Variants in IKBKG observed in about 807,000 individuals in gnomAD.
IKBKG encodes NF-kappa-B essential modulator.
Under a neutral mutation model 13.7 loss-of-function variants are expected in IKBKG, and 2 were observed. The ratio of observed to expected loss-of-function variants is 0.15; its 90% CI spans 0.06 to 0.46. IKBKG has a LOEUF of 0.46. Ranked by LOEUF, IKBKG falls within the 20% of genes least tolerant of loss-of-function variation. IKBKG has a pLI of 0.98. For missense variants in IKBKG, 53 were observed against 150.3 expected (o/e 0.35, Z 3.39); for synonymous variants, 22 against 64.4 (o/e 0.34, Z 3.15).
intron 1 of IKBKG, among the ~76,000 whole-genome samples, chrX:154,550,288 G>C (rs2070895295): frequency 9.6e-6 from 1 of 104,451 alleles, no homozygotes; most frequent in Admixed American, 1.1e-4. Context: ...GAGAGAGAGA[G>C]AGAGAATCAA....
upstream of IKBKG, among the ~76,000 whole-genome samples, chrX:154,546,576 T>C (rs2070723913): frequency 9.1e-6 from 1 of 110,211 alleles, no homozygotes; most frequent in Admixed American, 9.5e-5. Context: ...GCCCTCCCCT[T>C]GCCAAGCTGG....
chrX:154,542,073 C>A (rs375586532), intron 1 of IKBKG, among the ~76,000 whole-genome samples: 1 of 112,546 alleles, frequency 8.9e-6, no homozygotes, highest in African/African-American at 3.2e-5. Flanking sequence ...GGCCTCCCTG[C>A]TATACCCGGG....
upstream of IKBKG, among the ~76,000 whole-genome samples, chrX:154,545,127 G>A (rs1006395069): frequency 9.0e-6 from 1 of 111,227 alleles, no homozygotes; most frequent in Non-Finnish European, 1.9e-5. Context: ...CTCTAGTCTC[G>A]GGCGATGGCT....
chrX:154,550,345 CAAAG>C (rs1294887355), intron 1 of IKBKG, among the ~76,000 whole-genome samples: 1 of 100,400 alleles, frequency 1.0e-5, no homozygotes, highest in Non-Finnish European at 2.0e-5. Flanking sequence ...CAGCTGATAA[CAAAG>C]AAGGCCTTGG....
At chrX:154,550,849 T>G (rs1188251960) in intron 1 of IKBKG, among the ~76,000 whole-genome samples, 2 of 109,735 alleles carry the variant, frequency 1.8e-5, no homozygotes, top group Non-Finnish European at 3.8e-5. Context: ...CTCGCTCTGT[T>G]GCCCAGGCTG....
chrX:154,554,511 C>T (rs1271904868), intron 2 of IKBKG, among the ~76,000 whole-genome samples: 4 of 112,339 alleles, frequency 3.6e-5, no homozygotes, highest in African/African-American at 1.3e-4. Context: ...GTAATCCGAG[C>T]ACTTTGGGAG....
intron 7 of IKBKG, 56 bp downstream of exon 7, chrX:154,563,009 G>A (rs2071144628): frequency 1.1e-6 from 1 of 895,744 alleles, no homozygotes. Context: ...AGTCTCTTTG[G>A]CGTCTTTTTT....
intron 1 of IKBKG, among the ~76,000 whole-genome samples, chrX:154,551,704 T>C (rs1186145122): frequency 1.8e-5 from 2 of 111,019 alleles, no homozygotes; most frequent in African/African-American, 6.6e-5. Context: ...CATACTGACA[T>C]CTCCCTCCAC....
chrX:154,545,594 G>A (rs781917738), upstream of IKBKG, among the ~76,000 whole-genome samples: 1 of 111,523 alleles, frequency 9.0e-6, no homozygotes, highest in African/African-American at 3.3e-5. Flanking sequence ...CAGCACTTTG[G>A]GAGGCCGAGG....
At chrX:154,551,519 C>G (rs1557235014) in intron 1 of IKBKG, among the ~76,000 whole-genome samples, 1 of 111,684 alleles carries the variant, frequency 9.0e-6, no homozygotes, top group African/African-American at 3.3e-5. Context: ...CCAGAATGAT[C>G]TCATCTTGAG....
At chrX:154,550,024 C>T (rs968922602) in intron 1 of IKBKG, among the ~76,000 whole-genome samples, 5 of 111,514 alleles carry the variant, frequency 4.5e-5, no homozygotes, top group African/African-American at 6.5e-5. Context: ...CATTTCTCTC[C>T]GGTATATACC....
intron 2 of IKBKG, among the ~76,000 whole-genome samples, chrX:154,554,923 G>C (rs1603418262): frequency 9.0e-6 from 1 of 111,099 alleles, no homozygotes; most frequent in East Asian, 2.8e-4. Context: ...AGTTGCTATA[G>C]AGTTGCTAGA....
chrX:154,547,881 C>G, intron 1 of IKBKG, 136 bp downstream of exon 1: 2 of 754,954 alleles, frequency 2.6e-6, no homozygotes, highest in Non-Finnish European at 3.1e-6. Context: ...GGAGCACTGG[C>G]CAAGGCGGGC....
intron 1 of IKBKG, among the ~76,000 whole-genome samples, chrX:154,550,084 AT>A (rs1259437753): frequency 9.0e-6 from 1 of 111,153 alleles, no homozygotes; most frequent in Non-Finnish European, 1.9e-5. Context: ...ATCTTTAAAC[AT>A]TTAAGTGTGC....
rs1213742034 is a variant in IKBKG at position 154,547,638 on chromosome X, A to G, written c.-123A>G. ...TGACACCGGAAGCCGGAAGCGTGGT[A>G]GGGAAGGGCGACCGCGAAACTGGGA... On this transcript the variant is annotated 5_prime_UTR_variant, in exon 1 of 10. Transcript: ENST00000594239. 1 of 753,586 alleles carries G rather than the reference A, an allele frequency of 1.3e-6. No homozygotes were observed. The highest frequency in any genetic ancestry group is 2.3e-5 in the African/African-American group (1 of 43,509). The allele number at this position is 753,586 out of a possible 1,213,427, so 62.1% of individuals were successfully genotyped here. A position where few individuals can be genotyped will look rare whatever the true frequency, so the allele number is the denominator to read the frequency against.
chrX:154,541,606 C>T (rs1375408795), intron 1 of IKBKG, among the ~76,000 whole-genome samples: 4 of 111,782 alleles, frequency 3.6e-5, no homozygotes, highest in Admixed American at 9.5e-5. Flanking sequence ...TCTACTCGTG[C>T]CATGTGGGTG....
upstream of IKBKG, chrX:154,546,804 G>T (rs782130452): frequency 2.6e-6 from 3 of 1,161,550 alleles, no homozygotes. Flanking sequence ...CTTCGTCGTC[G>T]TCGCCCTCCG....
At chrX:154,547,575 G>C, upstream of IKBKG, 4 of 755,208 alleles carry the variant, frequency 5.3e-6, no homozygotes, top group Non-Finnish European at 6.3e-6. Flanking sequence ...AGTTCTCGGG[G>C]GCGGGGCTTG....
Position 154,541,868 on chromosome X carries a change from AT to A in IKBKG, c.-186-413del, listed in dbSNP as rs201991644. 7.1e-3 allele frequency among the ~76,000 whole-genome samples: 793 copies of A among 112,107 alleles called. 7 individuals carry two copies. Among genetic ancestry groups the A allele is most frequent in the African/African-American group, 0.025 (775 of 30,841 alleles). On this transcript the variant is annotated intron_variant, in intron 1 of 10. Coordinates refer to the IKBKG transcript ENST00000422680. ...GCCCTTGTCTTGGCATGAGGGTTTC[AT>A]GGTAGAGCACGATGCCTGCTGGAGG... is the stretch of plus-strand genomic sequence containing the variant.
Sources: gnomAD v4.1 joint callset for allele counts (sites outside exome capture counted in the v4.1 genomes callset) on GRCh38, gnomAD v4.1.1 for gene constraint, MANE v1.5 for transcripts, NCBI Gene and HGNC (gene_info 2026-07-23, HGNC 2026-07-21) for gene names.